Variants in ACSS3 observed in about 807,000 individuals in gnomAD.
ACSS3 encodes the protein acyl-CoA synthetase short-chain family member 3, mitochondrial.
Under a neutral mutation model 84.2 loss-of-function variants are expected in ACSS3, and 64 were observed. That is an observed-to-expected ratio of 0.76 (90% confidence interval 0.62 to 0.94). The LOEUF is 0.94. Among genes scored for constraint, ACSS3 ranks in the 40% least tolerant of loss-of-function variants. The pLI is 0.00. For synonymous variants in ACSS3, 317 were observed against 310.1 expected, an observed-to-expected ratio of 1.02 and a Z score of -0.23; for missense variants, 815 against 867.6, an observed-to-expected ratio of 0.94 and a Z score of 0.76.
At chr12:81,147,324 T>C (rs904800697) in intron 5 of ACSS3, among the ~76,000 whole-genome samples, 7 of 152,216 alleles carry the variant, frequency 4.6e-5, no homozygotes, top group Non-Finnish European at 1.0e-4. Context: ...TTTGTTGAAA[T>C]AATTGCATTG....
intron 9 of ACSS3, among the ~76,000 whole-genome samples, chr12:81,212,825 C>A (rs1394107091): frequency 6.6e-6 from 1 of 152,010 alleles, no homozygotes; most frequent in Non-Finnish European, 1.5e-5. Flanking sequence ...GTAAAGATAC[C>A]ATGAAGTTTG....
In ACSS3 at chr12:81,233,423, T is replaced by C. The variant is rs1306835544; in HGVS notation, c.1671T>C (p.Asp557=). 3 of 1,611,182 alleles carry C rather than the reference T, an allele frequency of 1.9e-6. No homozygotes were observed. Among genetic ancestry groups the C allele is most frequent in the Admixed American group, 1.7e-5 (1 of 59,792 alleles). ...TGTATGTTATGTCTCGAGTGGATGA[T>C]GTAATAAATGTTGCAGGTCACAGAA... ...GYLYVMSRVD[D]VINVAGHRIS... Residue 557 remains aspartate (D), a synonymous_variant, in exon 13 of 16, where the codon GAT becomes GAC. Coordinates refer to ENST00000548058, the MANE Select transcript of ACSS3 (RefSeq NM_024560.4).
chr12:81,105,092 C>A (rs1353370834), intron 1 of ACSS3, among the ~76,000 whole-genome samples: 1 of 152,078 alleles, frequency 6.6e-6, no homozygotes, highest in Non-Finnish European at 1.5e-5. Context: ...ATGCGTTATG[C>A]AGAATCAGGA....
chr12:81,238,802 G>A (rs1305055008), intron 13 of ACSS3, among the ~76,000 whole-genome samples: 2 of 150,754 alleles, frequency 1.3e-5, no homozygotes, highest in African/African-American at 4.9e-5. Flanking sequence ...ATATTTTAAA[G>A]GAATAGCTTT....
At chr12:81,137,395 C>T (rs1428859267) in intron 3 of ACSS3, among the ~76,000 whole-genome samples, 1 of 150,452 alleles carries the variant, frequency 6.6e-6, no homozygotes, top group African/African-American at 2.5e-5. Context: ...GGGGTTTATG[C>T]AATAAATGCT....
intron 7 of ACSS3, among the ~76,000 whole-genome samples, chr12:81,156,245 A>C (rs947595488): frequency 1.3e-5 from 2 of 151,652 alleles, no homozygotes; most frequent in Admixed American, 1.3e-4. Context: ...CTGGGTGTAT[A>C]TATCTCAAAC....
intron 11 of ACSS3, among the ~76,000 whole-genome samples, chr12:81,222,376 T>C (rs2033138691): frequency 6.6e-6 from 1 of 152,080 alleles, no homozygotes; most frequent in African/African-American, 2.4e-5. Flanking sequence ...TCTCTCCTGC[T>C]CTCTCTTTAA....
intron 2 of ACSS3, among the ~76,000 whole-genome samples, chr12:81,115,093 A>G (rs1243722024): frequency 2.0e-5 from 3 of 152,170 alleles, no homozygotes; most frequent in Non-Finnish European, 4.4e-5. Context: ...TTATTTGGGT[A>G]ATGTCTGGTT....
chr12:81,105,807 T>G (rs2121473098), intron 1 of ACSS3, among the ~76,000 whole-genome samples: 1 of 152,344 alleles, frequency 6.6e-6, no homozygotes, highest in South Asian at 2.1e-4. Flanking sequence ...TCAGGTAGAT[T>G]ACAGTGTAAT....
intron 8 of ACSS3, among the ~76,000 whole-genome samples, chr12:81,175,991 T>G (rs954734488): frequency 6.6e-6 from 1 of 151,610 alleles, no homozygotes; most frequent in Non-Finnish European, 1.5e-5. Context: ...ACAAAAGAAA[T>G]CAACCAAATT....
chr12:81,123,535 T>C (rs1385557450), intron 2 of ACSS3, among the ~76,000 whole-genome samples: 1 of 152,136 alleles, frequency 6.6e-6, no homozygotes, highest in Non-Finnish European at 1.5e-5. Context: ...GTTAATTACA[T>C]GGATAAATTG....
intron 1 of ACSS3, among the ~76,000 whole-genome samples, chr12:81,102,876 A>G (rs994549606): frequency 6.6e-6 from 1 of 152,090 alleles, no homozygotes; most frequent in Non-Finnish European, 1.5e-5. Context: ...GAGAGGAGTT[A>G]GATGCTCATG....
intron 7 of ACSS3, among the ~76,000 whole-genome samples, chr12:81,168,622 A>G (rs1887513444): frequency 6.6e-6 from 1 of 152,178 alleles, no homozygotes; most frequent in South Asian, 2.1e-4. Flanking sequence ...GAGAAAGGTC[A>G]GTTGTACTCA....
At chr12:81,165,088 G>A (rs955649924) in intron 7 of ACSS3, among the ~76,000 whole-genome samples, 5 of 152,150 alleles carry the variant, frequency 3.3e-5, no homozygotes, top group African/African-American at 1.2e-4. Context: ...AGATTATAAA[G>A]CTGATGCTAG....
At chr12:81,081,735 A>G (rs1219018029) in intron 1 of ACSS3, among the ~76,000 whole-genome samples, 3 of 152,246 alleles carry the variant, frequency 2.0e-5, no homozygotes, top group African/African-American at 4.8e-5. Flanking sequence ...GGATTCTCAT[A>G]TACCATTTGT....
At chr12:81,201,783 T>C (rs1054373340) in intron 9 of ACSS3, among the ~76,000 whole-genome samples, 3 of 152,208 alleles carry the variant, frequency 2.0e-5, no homozygotes, top group African/African-American at 7.2e-5. Flanking sequence ...TTCTGTCCTA[T>C]TAAACTACAC....
At chr12:81,139,406 G>C in intron 4 of ACSS3, 141 bp downstream of exon 4, 3 of 967,910 alleles carry the variant, frequency 3.1e-6, no homozygotes, top group Non-Finnish European at 4.4e-6. Flanking sequence ...AAAAATATAT[G>C]AATAAGACTT....
chr12:81,115,100 G>T (rs538362468), intron 2 of ACSS3, among the ~76,000 whole-genome samples: 1 of 152,196 alleles, frequency 6.6e-6, no homozygotes, highest in East Asian at 1.9e-4. Context: ...GGTAATGTCT[G>T]GTTGGGACTA....
chr12:81,184,351 A>T (rs965658708), intron 8 of ACSS3, among the ~76,000 whole-genome samples: 7 of 151,924 alleles, frequency 4.6e-5, no homozygotes, highest in African/African-American at 1.7e-4. Context: ...GAAAGACCCC[A>T]AATAAATATT....
Sources: allele counts gnomAD v4.1 joint callset (sites outside exome capture counted in the v4.1 genomes callset), GRCh38; gene constraint gnomAD v4.1.1; transcripts MANE v1.5; gene names NCBI Gene and HGNC (gene_info 2026-07-23, HGNC 2026-07-21).